Variants in NEK10 observed in about 807,000 individuals in gnomAD.
The protein encoded by NEK10 is serine/threonine-protein kinase Nek10.
A neutral mutation model predicts 159.8 loss-of-function variants in NEK10; 122 were observed. The observed-to-expected ratio is 0.76, with a 90% CI of 0.66 to 0.89. The LOEUF (loss-of-function observed/expected upper bound fraction) is 0.89, where lower values mean the gene tolerates loss of function less well. Among genes scored for constraint, NEK10 ranks in the 40% least tolerant of loss-of-function variants. NEK10 has a pLI of 0.00. For missense variants in NEK10, 1,342 were observed against 1,323.1 expected, an observed-to-expected ratio of 1.01 and a Z score of -0.22; for synonymous variants, 466 against 457.1, an observed-to-expected ratio of 1.02 and a Z score of -0.25.
intron 1 of NEK10, among the ~76,000 whole-genome samples, chr3:27,354,268 T>C (rs1190473395): frequency 6.6e-6 from 1 of 152,152 alleles, no homozygotes; most frequent in East Asian, 1.9e-4. Context: ...TTTACCACTA[T>C]CAAACTCGCT....
chr3:27,293,993 G>T (rs569005087), intron 15 of NEK10, among the ~76,000 whole-genome samples: 1 of 152,280 alleles, frequency 6.6e-6, no homozygotes, highest in Admixed American at 6.5e-5. Flanking sequence ...GGAGCTCAAG[G>T]TTTATTTTGT....
intron 3 of NEK10, among the ~76,000 whole-genome samples, chr3:27,348,949 T>C (rs1175539974): frequency 6.6e-6 from 1 of 152,088 alleles, no homozygotes. Flanking sequence ...GAAAAGTTCA[T>C]CCATTAATTC....
At position 27,297,189 on chromosome 3, in the gene NEK10, T is replaced by C; in HGVS notation, c.1220A>G (p.Gln407Arg). Residue 407 changes from glutamine (Q) to arginine (R), a missense_variant, in exon 14 of 36, where the codon CAG becomes CGG. By Grantham distance (43) the Gln-to-Arg change is conservative. Transcript: ENST00000691995. ...ELVLNDTNAHQVVQENGVYTI... is the reference protein window; with the variant it reads ...ELVLNDTNAHRVVQENGVYTI... ...AAGGAGTGCTCTCACCTGAACCACC[T>C]GGTGGGCATTGGTGTCATTGAGCAC... is the stretch of plus-strand genomic sequence containing the variant. The C allele has an allele frequency of 6.2e-7, 1 of 1,612,496 alleles. No homozygotes were observed. Among genetic ancestry groups the C allele is most frequent in the Non-Finnish European group, 8.5e-7 (1 of 1,178,538 alleles).
intron 9 of NEK10, 169 bp downstream of exon 9, chr3:27,310,780 A>C: frequency 2.1e-6 from 1 of 474,400 alleles, no homozygotes; most frequent in East Asian, 3.3e-5. Context: ...TTAACTTGTA[A>C]TGCTGGTAAA....
chr3:27,263,243 C>A (rs2040573767), intron 22 of NEK10, among the ~76,000 whole-genome samples: 1 of 152,198 alleles, frequency 6.6e-6, no homozygotes, highest in Admixed American at 6.5e-5. Flanking sequence ...GGGTGCCTCC[C>A]AGTTAGTCTA....
rs770240492 is a variant in NEK10, at chr3:27,192,094, T to C, written c.2440A>G (p.Arg814Gly). 2.5e-6 allele frequency: 4 copies of C among 1,614,202 alleles called. No homozygotes were observed. The Admixed American group carries it at 6.7e-5, about 27-fold the overall frequency. The change falls in exon 26 of 36, where the codon AGG (arginine) becomes GGG (glycine). Residue 814 changes from arginine (R) to glycine (G), a missense_variant. By Grantham distance (125) the Arg-to-Gly change is moderately radical. Coordinates refer to ENST00000691995, the MANE Select transcript of NEK10 (RefSeq NM_001394966.1). ...KLERERRRTQ[R>G]YFMEANRNTV... ...TTCCGGTTGGCTTCCATAAAATACCTTTGTGTGCGTCTTCGTTCCCGTTCT... is the reference window on the plus strand; with the variant it reads ...TTCCGGTTGGCTTCCATAAAATACCCTTGTGTGCGTCTTCGTTCCCGTTCT...
intron 23 of NEK10, among the ~76,000 whole-genome samples, chr3:27,230,083 T>A (rs961253103): frequency 6.6e-6 from 1 of 151,888 alleles, no homozygotes; most frequent in Non-Finnish European, 1.5e-5. Context: ...CAAACCAAAA[T>A]CAGCATGAAG....
rs547332630 is a variant in NEK10, at chr3:27,109,777, A to T, written c.*1495T>A. Among the ~76,000 whole-genome samples, 38 of 152,340 alleles carry T rather than the reference A, an allele frequency of 2.5e-4. No individual in the cohort carries two copies. The highest frequency in any genetic ancestry group is 3.4e-3 in the Middle Eastern group (1 of 294). On this transcript the variant is annotated 3_prime_UTR_variant, in exon 36 of 36. Transcript: ENST00000691995. ...ATGAATTTCACATATGGATAGAATT[A>T]GTTTGAAAGCTGAAACTGAAATTTT...
chr3:27,118,329 A>G (rs1342060697), intron 33 of NEK10, among the ~76,000 whole-genome samples: 1 of 152,168 alleles, frequency 6.6e-6, no homozygotes, highest in Non-Finnish European at 1.5e-5. Flanking sequence ...AATTTGGTAT[A>G]CCAGCACCTT....
chr3:27,250,197 T>A (rs1955506222), intron 23 of NEK10, among the ~76,000 whole-genome samples: 1 of 151,948 alleles, frequency 6.6e-6, no homozygotes, highest in African/African-American at 2.4e-5. Flanking sequence ...TACTATTTTT[T>A]TTTTTTTGAG....
intron 32 of NEK10, among the ~76,000 whole-genome samples, chr3:27,121,330 T>C (rs905887271): frequency 3.6e-4 from 55 of 152,118 alleles, no homozygotes; most frequent in African/African-American, 1.3e-3. Flanking sequence ...ACAAAATACA[T>C]AGTGTATGAC....
At chr3:27,303,465 T>C (rs1452726293) in intron 12 of NEK10, among the ~76,000 whole-genome samples, 1 of 152,180 alleles carries the variant, frequency 6.6e-6, no homozygotes, top group Non-Finnish European at 1.5e-5. Flanking sequence ...ATTACCATCG[T>C]CATCCTACAA....
intron 15 of NEK10, among the ~76,000 whole-genome samples, chr3:27,295,197 A>C (rs1366116320): frequency 1.3e-5 from 2 of 152,138 alleles, no homozygotes; most frequent in Non-Finnish European, 2.9e-5. Context: ...TCTGCATGGA[A>C]TGCCCTTCCA....
intron 30 of NEK10, among the ~76,000 whole-genome samples, chr3:27,152,841 CA>C (rs1373010256): frequency 1.1e-4 from 16 of 151,936 alleles, no homozygotes; most frequent in Admixed American, 1.0e-3. Flanking sequence ...AAATGGACAC[CA>C]AAAGTGAGCA....
intron 3 of NEK10, among the ~76,000 whole-genome samples, chr3:27,349,178 T>A (rs2047786785): frequency 6.6e-6 from 1 of 151,998 alleles, no homozygotes; most frequent in South Asian, 2.1e-4. Flanking sequence ...AAGTCCAAAA[T>A]TCACAGATAG....
intron 5 of NEK10, among the ~76,000 whole-genome samples, chr3:27,329,551 T>C (rs1056566176): frequency 1.3e-5 from 2 of 152,198 alleles, no homozygotes; most frequent in African/African-American, 4.8e-5. Flanking sequence ...TTAAAACTGG[T>C]TCTGGTGGTT....
chr3:27,253,123 T>C (rs1278152402), intron 23 of NEK10, among the ~76,000 whole-genome samples: 1 of 152,208 alleles, frequency 6.6e-6, no homozygotes, highest in Non-Finnish European at 1.5e-5. Context: ...TTAAAGTTCA[T>C]GAGCTTCTCT....
At chr3:27,261,274 G>A (rs1287498989) in intron 22 of NEK10, among the ~76,000 whole-genome samples, 2 of 152,104 alleles carry the variant, frequency 1.3e-5, no homozygotes, top group African/African-American at 2.4e-5. Context: ...GCTTTAAAAT[G>A]TGTTTGCTCT....
chr3:27,112,300 T>A (rs894870463), intron 35 of NEK10, among the ~76,000 whole-genome samples: 6 of 152,186 alleles, frequency 3.9e-5, no homozygotes, highest in Non-Finnish European at 8.8e-5. Flanking sequence ...ATAAACCCTA[T>A]AATTTAAACC....
Sources: allele counts gnomAD v4.1 joint callset (sites outside exome capture counted in the v4.1 genomes callset), GRCh38; gene constraint gnomAD v4.1.1; transcripts MANE v1.5; gene names NCBI Gene and HGNC (gene_info 2026-07-23, HGNC 2026-07-21).